SPPL2A: variants seen among roughly 807,000 people sequenced by gnomAD.
The protein encoded by SPPL2A is signal peptide peptidase-like 2A.
A neutral mutation model predicts 63.8 loss-of-function variants in SPPL2A; 51 were observed. That is an observed-to-expected ratio of 0.80 (90% CI 0.64 to 1.01). The LOEUF (loss-of-function observed/expected upper bound fraction) is 1.01. SPPL2A is among the 50% of genes least tolerant of loss of function. The pLI, the probability that SPPL2A is intolerant of heterozygous loss-of-function variation, is 0.00. For synonymous variants in SPPL2A, 188 were observed against 205.8 expected, an observed-to-expected ratio of 0.91 and a Z score of 0.74; for missense variants, 553 against 622.7, an observed-to-expected ratio of 0.89 and a Z score of 1.19.
In SPPL2A at chr15:50,765,633, G is replaced by T. The variant is rs1046925461; in HGVS notation, c.-100C>A. The T allele has an allele frequency of 2.5e-6, 2 of 809,468 alleles. No individual in the cohort carries two copies. Among genetic ancestry groups the T allele is most frequent in the Non-Finnish European group, 3.4e-6 (2 of 582,798 alleles). The allele number at this position is 809,468 out of a possible 1,614,324, so 50.1% of individuals were successfully genotyped here. ...GCTGCGCTGCCTCCGTGGCCGGACC[G>T]GACCGGACAGGCGCGGGCGGCCGGG... On this transcript the variant is annotated 5_prime_UTR_variant, in exon 1 of 15. Coordinates refer to ENST00000261854, the MANE Select transcript of SPPL2A (RefSeq NM_032802.4).
At chr15:50,718,033 A>C (rs1010453953) in intron 14 of SPPL2A, among the ~76,000 whole-genome samples, 1 of 130,920 alleles carries the variant, frequency 7.6e-6, no homozygotes, top group Admixed American at 9.0e-5. Flanking sequence ...GTGCAGTGGC[A>C]CGATCTCGGC....
intron 3 of SPPL2A, 86 bp from the exon 4 acceptor site, chr15:50,748,288 T>G: frequency 1.8e-6 from 1 of 543,168 alleles, no homozygotes; most frequent in Non-Finnish European, 3.0e-6. Context: ...AAATATTACG[T>G]CTTTCTTTAA....
chr15:50,725,152 T>C (rs1220024609), intron 12 of SPPL2A, 69 bp downstream of exon 12: 2 of 938,404 alleles, frequency 2.1e-6, no homozygotes, highest in Non-Finnish European at 3.4e-6. Context: ...TTTTAACAGA[T>C]TCTATACATA....
At chr15:50,709,650 C>T (rs548366569) in intron 14 of SPPL2A, among the ~76,000 whole-genome samples, 15 of 152,002 alleles carry the variant, frequency 9.9e-5, no homozygotes, top group South Asian at 8.3e-4. Context: ...ATTAGCCAAG[C>T]GTGGTGGTGC....
chr15:50,717,898 G>A (rs940911274), intron 14 of SPPL2A, among the ~76,000 whole-genome samples: 21 of 150,626 alleles, frequency 1.4e-4, no homozygotes, highest in African/African-American at 3.7e-4. Context: ...GGCACCTGCC[G>A]TAACTAATAG....
chr15:50,736,303 A>C, intron 7 of SPPL2A, 101 bp from the exon 8 acceptor site: 1 of 707,906 alleles, frequency 1.4e-6, no homozygotes, highest in Non-Finnish European at 2.4e-6. Flanking sequence ...AAGTGACTGA[A>C]ATATCAATTT....
chr15:50,709,066 T>C (rs886943494), intron 14 of SPPL2A, among the ~76,000 whole-genome samples: 5 of 151,936 alleles, frequency 3.3e-5, no homozygotes, highest in African/African-American at 1.2e-4. Flanking sequence ...CCAGTTAAAC[T>C]TTTCTCAAAT....
intron 1 of SPPL2A, among the ~76,000 whole-genome samples, chr15:50,756,565 A>T (rs185671121): frequency 4.7e-4 from 71 of 152,002 alleles, no homozygotes; most frequent in African/African-American, 1.6e-3. Context: ...CTTAAAAAAA[A>T]TTCTTTTAGT....
intron 12 of SPPL2A, 39 bp downstream of exon 12, chr15:50,725,182 G>A (rs768833113): frequency 8.9e-7 from 1 of 1,127,204 alleles, no homozygotes; most frequent in East Asian, 2.4e-5. Context: ...AAAATCATCA[G>A]TGTTTTTTTT....
chr15:50,726,351 G>A lies in SPPL2A; in HGVS notation c.1116C>T (p.Leu372=), dbSNP rs374979239. Residue 372 remains leucine, a synonymous_variant, in exon 11 of 15, where the codon CTC becomes CTT. Coordinates refer to ENST00000261854, the MANE Select transcript of SPPL2A (RefSeq NM_032802.4). ...CATTATTTCCAAAAGGTCCAGCTGC[G>A]AGTTCAACCATGATACTCTCACCAT... ...TKNGESIMVE[L]AAGPFGNNEK... is the part of the protein sequence containing the mutation. The A allele has an allele frequency of 2.5e-5, 41 of 1,613,924 alleles. No individual in the cohort carries two copies. Among genetic ancestry groups the A allele is most frequent in the African/African-American group, 2.1e-4 (16 of 75,006 alleles).
intron 6 of SPPL2A, among the ~76,000 whole-genome samples, chr15:50,739,234 A>C (rs2062798494): frequency 6.8e-6 from 1 of 146,190 alleles, no homozygotes. Flanking sequence ...GCTGGAGTGC[A>C]ATGGCGCAAT....
intron 14 of SPPL2A, among the ~76,000 whole-genome samples, chr15:50,719,452 C>T (rs1330701094): frequency 6.6e-6 from 1 of 152,064 alleles, no homozygotes; most frequent in Non-Finnish European, 1.5e-5. Context: ...ACCATGTTGG[C>T]CAGGCTGGTC....
chr15:50,765,147 T>C (rs1328187303), intron 1 of SPPL2A, among the ~76,000 whole-genome samples: 1 of 151,886 alleles, frequency 6.6e-6, no homozygotes, highest in African/African-American at 2.4e-5. Flanking sequence ...GCTGGGACAG[T>C]GAGCAACTAT....
intron 1 of SPPL2A, among the ~76,000 whole-genome samples, chr15:50,763,502 G>A (rs745689742): frequency 6.6e-6 from 1 of 152,200 alleles, no homozygotes; most frequent in Non-Finnish European, 1.5e-5. Context: ...CATTTGCAGT[G>A]TAGAAAAATG....
intron 1 of SPPL2A, among the ~76,000 whole-genome samples, 182 bp downstream of exon 1, chr15:50,765,286 A>G (rs1184915119): frequency 6.6e-6 from 1 of 151,510 alleles, no homozygotes; most frequent in Non-Finnish European, 1.5e-5. Flanking sequence ...GGTGGAAAAG[A>G]GGAGGGTGGA....
rs2062494265 is a variant in SPPL2A at position 50,704,145 on chromosome 15, C to T, written c.*3655G>A. ...ATCACCTCAGGTTGGGAGTTCGAGA[C>T]CAGCCTGATCAACATGGAGAAACCC... On this transcript the variant is annotated 3_prime_UTR_variant, in exon 15 of 15. Coordinates refer to ENST00000261854, the MANE Select transcript of SPPL2A (RefSeq NM_032802.4). 1 of 151,858 alleles carries T rather than the reference C, an allele frequency of 6.6e-6. No homozygotes were observed. Among genetic ancestry groups the T allele is most frequent in the East Asian group, 1.9e-4 (1 of 5,174 alleles). The allele number at this position is 151,858 out of a possible 1,614,324, so 9.4% of individuals were successfully genotyped here.
chr15:50,720,953 G>C (rs1463789769), intron 13 of SPPL2A, among the ~76,000 whole-genome samples: 1 of 152,100 alleles, frequency 6.6e-6, no homozygotes, highest in Non-Finnish European at 1.5e-5. Context: ...TTGTCCAAAG[G>C]TACACAGGAG....
At position 50,707,250 on chromosome 15, in the gene SPPL2A, C is replaced by G. The variant is rs1211713377; in HGVS notation, c.*550G>C. The G allele has an allele frequency of 6.6e-6, 1 of 152,296 alleles. No individual in the cohort carries two copies. Among genetic ancestry groups the G allele is most frequent in the African/African-American group, 2.4e-5 (1 of 41,436 alleles). 9.4% of individuals were successfully genotyped at this position (152,296 alleles called of 1,614,324 possible). On this transcript the variant is annotated 3_prime_UTR_variant, in exon 15 of 15. Coordinates refer to ENST00000261854, the MANE Select transcript of SPPL2A (RefSeq NM_032802.4). The stretch of plus-strand genomic sequence containing the variant: ...TCTCCTGTCTCAGCCTTCCCAGTAG[C>G]TGGGACTACAGGCACCCTCCACCAC...
chr15:50,703,498 G>A lies in SPPL2A; in HGVS notation c.*4302C>T, dbSNP rs1215491949. 6.7e-6 allele frequency: 1 copy of A among 149,890 alleles called. No homozygotes were observed. The highest frequency in any genetic ancestry group is 2.1e-4 in the South Asian group (1 of 4,718). The allele number at this position is 149,890 out of a possible 1,614,324, so 9.3% of individuals were successfully genotyped here. A position where few individuals can be genotyped will look rare whatever the true frequency, so the allele number is the denominator to read the frequency against. ...CTGCCTCAGTCTCCTGAGTAGCTGG[G>A]GTTACAGGCGAGCCCCACCACACCC... On this transcript the variant is annotated 3_prime_UTR_variant, in exon 15 of 15. Coordinates refer to ENST00000261854, the MANE Select transcript of SPPL2A (RefSeq NM_032802.4).
Sources: gnomAD v4.1 joint callset for allele counts (sites outside exome capture counted in the v4.1 genomes callset) on GRCh38, gnomAD v4.1.1 for gene constraint, MANE v1.5 for transcripts, NCBI Gene and HGNC (gene_info 2026-07-23, HGNC 2026-07-21) for gene names.